Variants in STIM1 observed in about 807,000 individuals in gnomAD.
STIM1 encodes stromal interaction molecule 1.
A neutral mutation model predicts 74.7 loss-of-function variants in STIM1; 25 were observed. The ratio of observed to expected loss-of-function variants is 0.33; its 90% CI spans 0.24 to 0.47. The LOEUF (loss-of-function observed/expected upper bound fraction) is 0.47, where lower values mean the gene tolerates loss of function less well. STIM1 is among the 20% of genes least tolerant of loss of function. The pLI is 1.00. For missense variants in STIM1, 728 were observed against 920.8 expected, an observed-to-expected ratio of 0.79 and a Z score of 2.71; for synonymous variants, 328 against 348.8, an observed-to-expected ratio of 0.94 and a Z score of 0.66.
At chr11:3,895,610 CTTTCTTTCTTTCTT>C (rs1307050423) in intron 1 of STIM1, among the ~76,000 whole-genome samples, 1,443 of 39,846 alleles carry the variant, frequency 0.036, 60 homozygotes, top group African/African-American at 0.098. Flanking sequence ...CTTTCTCTCT[CTTTCTTTCTTTCTT>C]TCTTTCTTTC....
At chr11:3,992,082 TTTTTTTG>T (rs1565139649) in intron 2 of STIM1, among the ~76,000 whole-genome samples, 5 of 78,742 alleles carry the variant, frequency 6.3e-5, no homozygotes, top group African/African-American at 1.5e-4. Context: ...CCAACATCTG[TTTTTTTG>T]TTTTTTTTTT....
At chr11:3,999,165 G>A (rs2093688883) in intron 2 of STIM1, among the ~76,000 whole-genome samples, 1 of 152,124 alleles carries the variant, frequency 6.6e-6, no homozygotes, top group Non-Finnish European at 1.5e-5. Flanking sequence ...GGACAATATG[G>A]TAAGACCCTG....
Position 3,993,798 on chromosome 11 carries a change from C to T in STIM1, c.270+26116C>T, listed in dbSNP as rs1025559809. On this transcript the variant is annotated intron_variant, in intron 2 of 12. Transcript: ENST00000526596. Reference sequence around the variant, plus strand: ...ACTCCATTCCTGGCACCCAGATCTTCATTATGAATCACTTTTTAAAATAAT... The same window carrying T: ...ACTCCATTCCTGGCACCCAGATCTTTATTATGAATCACTTTTTAAAATAAT... Among the ~76,000 whole-genome samples, 28 of 152,296 alleles carry T rather than the reference C, an allele frequency of 1.8e-4. 1 individual carries two copies. Among genetic ancestry groups the T allele is most frequent in the African/African-American group, 6.5e-4 (27 of 41,574 alleles).
At chr11:4,027,424 G>T (rs1212982047) in intron 3 of STIM1, among the ~76,000 whole-genome samples, 1 of 152,030 alleles carries the variant, frequency 6.6e-6, no homozygotes, top group Non-Finnish European at 1.5e-5. Context: ...CGATTCTCCT[G>T]CCTCAGCCTC....
intron 1 of STIM1, among the ~76,000 whole-genome samples, chr11:3,909,604 C>T (rs1001680063): frequency 6.6e-6 from 1 of 151,910 alleles, no homozygotes; most frequent in African/African-American, 2.4e-5. Context: ...GCGGGCGGAT[C>T]ACGAGGTCAG....
intron 11 of STIM1, among the ~76,000 whole-genome samples, chr11:4,085,415 G>GC (rs1452296863): frequency 6.6e-6 from 1 of 152,216 alleles, no homozygotes; most frequent in African/African-American, 2.4e-5. Flanking sequence ...GGATGCACTA[G>GC]CATATTCCTA....
chr11:4,060,068 G>T (rs1278671401), intron 5 of STIM1, among the ~76,000 whole-genome samples: 2 of 152,186 alleles, frequency 1.3e-5, no homozygotes, highest in Non-Finnish European at 2.9e-5. Flanking sequence ...GACTAAGTGG[G>T]TTTTCACTGA....
intron 1 of STIM1, among the ~76,000 whole-genome samples, chr11:3,873,431 AAAAAAAT>A (rs1452877178): frequency 2.6e-5 from 4 of 151,864 alleles, no homozygotes; most frequent in African/African-American, 9.7e-5. Flanking sequence ...AAAAAAAAAA[AAAAAAAT>A]TAAAAACTTT....
At chr11:3,998,740 A>G (rs1273239854) in intron 2 of STIM1, among the ~76,000 whole-genome samples, 1 of 152,306 alleles carries the variant, frequency 6.6e-6, no homozygotes, top group East Asian at 1.9e-4. Context: ...CTCACCTGGG[A>G]GAGATCTAGA....
intron 2 of STIM1, among the ~76,000 whole-genome samples, chr11:4,015,997 T>C (rs1019670699): frequency 6.6e-6 from 1 of 152,178 alleles, no homozygotes; most frequent in Non-Finnish European, 1.5e-5. Flanking sequence ...ACATGCTCCT[T>C]TAGGTCGGAG....
intron 1 of STIM1, among the ~76,000 whole-genome samples, chr11:3,902,398 A>G (rs1271709842): frequency 6.6e-6 from 1 of 152,166 alleles, no homozygotes; most frequent in South Asian, 2.1e-4. Context: ...GGCACCAGGG[A>G]TCGGTTTCAT....
chr11:4,049,255 A>C (rs997288749), intron 3 of STIM1, among the ~76,000 whole-genome samples: 4 of 152,066 alleles, frequency 2.6e-5, no homozygotes, highest in Non-Finnish European at 5.9e-5. Flanking sequence ...CTTGCACAAA[A>C]CTGAAATATC....
At chr11:3,946,708 G>A (rs1276751777) in intron 1 of STIM1, among the ~76,000 whole-genome samples, 1 of 152,112 alleles carries the variant, frequency 6.6e-6, no homozygotes, top group African/African-American at 2.4e-5. Context: ...CTTATATTAT[G>A]TTTCCTGACC....
In STIM1 at chr11:3,946,351, G is replaced by A. The variant is rs907696695; in HGVS notation, c.140-21201G>A. ...GCCAGGAAGTGTGTAAATGTCATTC[G>A]TCTCCATACCTGTTGGCTGTGTGCA... is the stretch of plus-strand genomic sequence containing the variant. On this transcript the variant is annotated intron_variant, in intron 1 of 12. Transcript: ENST00000526596. 1.3e-5 allele frequency among the ~76,000 whole-genome samples: 2 copies of A among 152,046 alleles called. 1 individual carries two copies. Among genetic ancestry groups the A allele is most frequent in the Admixed American group, 1.3e-4 (2 of 15,270 alleles).
At chr11:4,050,112 AC>A (rs1273533029) in intron 3 of STIM1, among the ~76,000 whole-genome samples, 1 of 152,156 alleles carries the variant, frequency 6.6e-6, no homozygotes, top group African/African-American at 2.4e-5. Flanking sequence ...TATGGGCCAA[AC>A]AAAAATTTTA....
chr11:3,936,536 A>G (rs10835333), intron 1 of STIM1, among the ~76,000 whole-genome samples: 57,602 of 151,984 alleles, frequency 0.38, 11,065 homozygotes, highest in South Asian at 0.5. Flanking sequence ...GGTAGACTAG[A>G]GAGTCTTATA....
chr11:3,863,236 G>A (rs954824616), intron 1 of STIM1, among the ~76,000 whole-genome samples: 1 of 64,358 alleles, frequency 1.6e-5, no homozygotes, highest in Non-Finnish European at 2.8e-5. Flanking sequence ...GTGTGTGTGT[G>A]TGTGTGTGTG....
chr11:3,895,956 G>A (rs183543977), intron 1 of STIM1, among the ~76,000 whole-genome samples: 16 of 147,768 alleles, frequency 1.1e-4, no homozygotes, highest in Non-Finnish European at 2.4e-4. Flanking sequence ...CCAGGCTGGA[G>A]TGTAGTGGCG....
At chr11:3,982,448 C>T (rs10767767) in intron 2 of STIM1, among the ~76,000 whole-genome samples, 37,654 of 152,158 alleles carry the variant, frequency 0.25, 5,785 homozygotes, top group South Asian at 0.45. Flanking sequence ...AAGTACCCAG[C>T]CTATGGTCTA....
Sources: allele counts gnomAD v4.1 joint callset (sites outside exome capture counted in the v4.1 genomes callset), GRCh38; gene constraint gnomAD v4.1.1; transcripts MANE v1.5; gene names NCBI Gene and HGNC (gene_info 2026-07-23, HGNC 2026-07-21).